Variants in M6PR observed in about 807,000 individuals in gnomAD.
M6PR encodes the protein cation-dependent mannose-6-phosphate receptor.
A neutral mutation model predicts 33.1 loss-of-function variants in M6PR; 19 were observed. That is an observed-to-expected ratio of 0.57 (90% CI 0.40 to 0.84). The LOEUF is 0.84. M6PR is among the 40% of genes least tolerant of loss of function. The pLI is 0.00. For synonymous variants in M6PR, 111 were observed against 123.4 expected, an observed-to-expected ratio of 0.90 and a Z score of 0.67; for missense variants, 295 against 336.0, an observed-to-expected ratio of 0.88 and a Z score of 0.95.
chr12:8,944,537 T>A (rs766307003), intron 3 of M6PR, among the ~76,000 whole-genome samples: 1 of 152,328 alleles, frequency 6.6e-6, no homozygotes, highest in East Asian at 1.9e-4. Context: ...CAAACCCTTT[T>A]GTTACTTTTT....
At chr12:8,944,873 A>G (rs1490511846) in intron 3 of M6PR, among the ~76,000 whole-genome samples, 2 of 152,232 alleles carry the variant, frequency 1.3e-5, no homozygotes, top group Admixed American at 1.3e-4. Flanking sequence ...AATTCTGGCT[A>G]GAGTTGGCTG....
chr12:8,943,482 G>A lies in M6PR; in HGVS notation c.507C>T (p.Tyr169=). 1 of 1,614,156 alleles carries A rather than the reference G, an allele frequency of 6.2e-7. No homozygotes were observed. The highest frequency in any genetic ancestry group is 8.5e-7 in the Non-Finnish European group (1 of 1,180,000). ...EERGKVQDCF[Y]LFEMDSSLAC... ...CCAGGCTGCTATCCATCTCAAAGAG[G>A]TAGAAACAATCTTGGACTTTGCCAC... is the stretch of plus-strand genomic sequence containing the variant. The change falls in exon 5 of 7, where the codon TAC becomes TAT. Residue 169 remains tyrosine, a synonymous_variant. Coordinates refer to ENST00000000412, the MANE Select transcript of M6PR (RefSeq NM_002355.4).
Position 8,941,428 on chromosome 12 carries a change from G to C in M6PR, c.*390C>G, listed in dbSNP as rs1469787912. On this transcript the variant is annotated 3_prime_UTR_variant, in exon 7 of 7. Transcript: ENST00000000412. ...AACCCTGTATAAATAATGTTTCTTGGCATTTTTTTTTTAATTAAAGAAATC... is the reference window on the plus strand; with the variant it reads ...AACCCTGTATAAATAATGTTTCTTGCCATTTTTTTTTTAATTAAAGAAATC... 3 of 186,112 alleles carry C rather than the reference G, an allele frequency of 1.6e-5. No individual in the cohort carries two copies. The highest frequency in any genetic ancestry group is 7.1e-5 in the African/African-American group (3 of 42,044). The allele number at this position is 186,112 out of a possible 1,614,324, so 11.5% of individuals were successfully genotyped here. A position where few individuals can be genotyped will look rare whatever the true frequency, so the allele number is the denominator to read the frequency against.
At chr12:8,942,911 C>G (rs930952657) in intron 5 of M6PR, among the ~76,000 whole-genome samples, 3 of 151,600 alleles carry the variant, frequency 2.0e-5, no homozygotes, top group African/African-American at 7.3e-5. Flanking sequence ...ATACCGGCAA[C>G]TAAACATTAA....
rs1404303551 is a variant in M6PR, at chr12:8,949,337, T to G, written c.-2+151A>C. On this transcript the variant is annotated intron_variant, in intron 1 of 6. Transcript: ENST00000000412. The surrounding 1 kb of genome is among the most constrained non-coding windows in gnomAD (Gnocchi z 5.6). Reference sequence around the variant, plus strand: ...GGAACTCCGTGACTCTCCGCTCTCATGCCTCCGCCTCCATTCTACCCTTAG... The same window carrying G: ...GGAACTCCGTGACTCTCCGCTCTCAGGCCTCCGCCTCCATTCTACCCTTAG... Among the ~76,000 whole-genome samples, 1 of 152,096 alleles carries G rather than the reference T, an allele frequency of 6.6e-6. No individual in the cohort carries two copies.
In M6PR at chr12:8,945,503, A is replaced by C; in HGVS notation, c.258T>G (p.Ser86=). The change falls in exon 3 of 7, where the codon TCT becomes TCG. Residue 86 remains serine (S), a synonymous_variant. Transcript: ENST00000000412. ...TGTTGATTTGCACCAGGCCTGCCCC[A>C]GAAGTGTGGTTGCCAGCTTCCCGGC... ...RVCREAGNHT[S]GAGLVQINKS... 1 of 1,614,132 alleles carries C rather than the reference A, an allele frequency of 6.2e-7. No individual in the cohort carries two copies.
At chr12:8,942,003 G>GTACT (rs1282432522) in intron 6 of M6PR, 63 bp from the exon 7 acceptor site, 1 of 1,572,992 alleles carries the variant, frequency 6.4e-7, no homozygotes, top group Non-Finnish European at 8.7e-7. Flanking sequence ...ATGAGAAAGT[G>GTACT]TACTTATGGT....
intron 1 of M6PR, among the ~76,000 whole-genome samples, chr12:8,948,968 G>A (rs1946148423): frequency 6.6e-6 from 1 of 152,182 alleles, no homozygotes; most frequent in Admixed American, 6.5e-5. Flanking sequence ...GACAAGTAGC[G>A]GCTATGTCCC....
intron 1 of M6PR, among the ~76,000 whole-genome samples, chr12:8,947,346 GGCCGTGAAT>G (rs1946109089): frequency 1.3e-5 from 2 of 152,056 alleles, no homozygotes; most frequent in African/African-American, 2.4e-5. Flanking sequence ...CTCCAACCTT[GGCCGTGAAT>G]GCACTTTCCC....
chr12:8,948,627 T>C (rs1946141499), intron 1 of M6PR, among the ~76,000 whole-genome samples: 1 of 152,248 alleles, frequency 6.6e-6, no homozygotes, highest in African/African-American at 2.4e-5. Flanking sequence ...CAGGATTTTA[T>C]GATCTTGAAA....
intron 3 of M6PR, among the ~76,000 whole-genome samples, chr12:8,944,294 C>T (rs1946065697): frequency 6.6e-6 from 1 of 152,160 alleles, no homozygotes; most frequent in South Asian, 2.1e-4. Flanking sequence ...TTCAACTTAG[C>T]CCCAGATAAA....
chr12:8,945,497 T>C lies in M6PR; in HGVS notation c.264A>G (p.Ala88=). ...CREAGNHTSG[A]GLVQINKSNG... Reference sequence around the variant, plus strand: ...TACTTTTGTTGATTTGCACCAGGCCTGCCCCAGAAGTGTGGTTGCCAGCTT... The same window carrying C: ...TACTTTTGTTGATTTGCACCAGGCCCGCCCCAGAAGTGTGGTTGCCAGCTT... The change falls in exon 3 of 7, where the codon GCA becomes GCG. Residue 88 remains alanine (A), a synonymous_variant. Coordinates refer to ENST00000000412, the MANE Select transcript of M6PR (RefSeq NM_002355.4). The C allele has an allele frequency of 2.5e-6, 4 of 1,614,104 alleles. No individual in the cohort carries two copies. The highest frequency in any genetic ancestry group is 3.4e-6 in the Non-Finnish European group (4 of 1,180,020).
intron 2 of M6PR, among the ~76,000 whole-genome samples, chr12:8,945,860 A>G (rs1323613076): frequency 6.6e-6 from 1 of 152,228 alleles, no homozygotes; most frequent in Non-Finnish European, 1.5e-5. Flanking sequence ...CCATGTTCCA[A>G]TGAATAAGGG....
At chr12:8,943,339 A>G in intron 5 of M6PR, 66 bp downstream of exon 5, 1 of 1,585,796 alleles carries the variant, frequency 6.3e-7, no homozygotes, top group Admixed American at 1.7e-5. Context: ...ATGTACCACC[A>G]TATAGTTACT....
intron 3 of M6PR, chr12:8,945,198 C>CG (rs1946076601): frequency 8.5e-6 from 4 of 471,762 alleles, no homozygotes; most frequent in Non-Finnish European, 1.5e-5. Context: ...CTTCATTTTG[C>CG]ATAAGTTTTT....
At position 8,942,217 on chromosome 12, in the gene M6PR, GTC is replaced by G. The variant is rs1946023656; in HGVS notation, c.711+197_711+198del. ...TCAACAGTGTTGCTCTTTCAGCAATGTCTTACCAAGGCCAGAAATGGATGCTG... is the reference window on the plus strand; with the variant it reads ...TCAACAGTGTTGCTCTTTCAGCAATGTTACCAAGGCCAGAAATGGATGCTG... On this transcript the variant is annotated intron_variant, in intron 6 of 6. Coordinates refer to ENST00000000412, the MANE Select transcript of M6PR (RefSeq NM_002355.4). 6 of 721,070 alleles carry G rather than the reference GTC, an allele frequency of 8.3e-6. No individual in the cohort carries two copies. In the South Asian group the frequency reaches 9.5e-5, roughly 11 times the overall value. 44.7% of individuals were successfully genotyped at this position (721,070 alleles called of 1,614,324 possible).
Position 8,946,210 on chromosome 12 carries a change from T to G in M6PR, c.176+19A>C, listed in dbSNP as rs772321159. 3.7e-6 allele frequency: 6 copies of G among 1,606,468 alleles called. No individual in the cohort carries two copies. In the African/African-American group the frequency reaches 8.0e-5, roughly 22 times the overall value. Reference sequence around the variant, plus strand: ...AACATAAATATTTTCTCAAGCTCTTTAAGGTTCTTCTCATTTACCTTTTAT... The same window carrying G: ...AACATAAATATTTTCTCAAGCTCTTGAAGGTTCTTCTCATTTACCTTTTAT... On this transcript the variant is annotated intron_variant, in intron 2 of 6. Transcript: ENST00000000412.
At position 8,940,586 on chromosome 12, in the gene M6PR, G is replaced by C. The variant is rs1270670414; in HGVS notation, c.*1232C>G. 1 of 79,164 alleles carries C rather than the reference G, an allele frequency of 1.3e-5. No individual in the cohort carries two copies. Among genetic ancestry groups the C allele is most frequent in the Non-Finnish European group, 2.5e-5 (1 of 40,728 alleles). 4.9% of individuals were successfully genotyped at this position (79,164 alleles called of 1,614,324 possible). ...TTTTCTTTTCCTAAGGCTTATAAAAGGCCCCCTGCCTGTTGATTCCATCCC... is the reference window on the plus strand; with the variant it reads ...TTTTCTTTTCCTAAGGCTTATAAAACGCCCCCTGCCTGTTGATTCCATCCC... On this transcript the variant is annotated 3_prime_UTR_variant, in exon 7 of 7. Coordinates refer to ENST00000000412, the MANE Select transcript of M6PR (RefSeq NM_002355.4).
At chr12:8,945,715 G>T in intron 2 of M6PR, 131 bp from the exon 3 acceptor site, 1 of 703,446 alleles carries the variant, frequency 1.4e-6, no homozygotes, top group Non-Finnish European at 2.3e-6. Flanking sequence ...TCATGGCTGA[G>T]TGAATATTTG....
Sources: allele counts gnomAD v4.1 joint callset (sites outside exome capture counted in the v4.1 genomes callset), GRCh38; gene constraint gnomAD v4.1.1; non-coding constraint Gnocchi (gnomAD v3.1); transcripts MANE v1.5; gene names NCBI Gene and HGNC (gene_info 2026-07-23, HGNC 2026-07-21).